Variants in CPA6 observed in about 807,000 individuals in gnomAD.
CPA6 encodes carboxypeptidase B.
Under a neutral mutation model 63.3 loss-of-function variants are expected in CPA6, and 58 were observed. That is an observed-to-expected ratio of 0.92 (90% CI 0.74 to 1.14). The LOEUF is 1.14. Among genes scored for constraint, CPA6 ranks in the 50% most tolerant of loss-of-function variants. The probability of loss-of-function intolerance (pLI) is 0.00; values close to 1 mark genes in which losing one functional copy is unlikely to be tolerated. For missense variants in CPA6, 565 were observed against 526.6 expected (o/e 1.07, Z -0.71); for synonymous variants, 185 against 179.0 (o/e 1.03, Z -0.27).
chr8:67,732,548 A>G (rs1046802031), intron 1 of CPA6: 1 of 152,236 alleles, frequency 6.6e-6, no homozygotes, highest in African/African-American at 2.4e-5. Context: ...ACATCCACAT[A>G]CAACTGTAAT....
At chr8:67,515,369 A>T (rs1346926487) in intron 3 of CPA6, among the ~76,000 whole-genome samples, 2 of 152,120 alleles carry the variant, frequency 1.3e-5, no homozygotes, top group African/African-American at 4.8e-5. Flanking sequence ...CTTCCTTTGT[A>T]AATGAACTTC....
chr8:67,621,298 T>C (rs1051680967), intron 2 of CPA6, among the ~76,000 whole-genome samples: 9 of 152,186 alleles, frequency 5.9e-5, no homozygotes, highest in Admixed American at 1.3e-4. Flanking sequence ...TAGGACTATA[T>C]GCTGAGTTTG....
At chr8:67,494,299 A>G (rs896004438) in intron 6 of CPA6, among the ~76,000 whole-genome samples, 4 of 152,150 alleles carry the variant, frequency 2.6e-5, no homozygotes, top group African/African-American at 7.2e-5. Flanking sequence ...GCTATCAGTC[A>G]TTCCTTTACG....
intron 1 of CPA6, among the ~76,000 whole-genome samples, chr8:67,639,196 A>G (rs540828435): frequency 2.8e-4 from 42 of 151,678 alleles, no homozygotes; most frequent in African/African-American, 9.8e-4. Context: ...TGCTGGCCAT[A>G]CAGTCTCTAT....
At chr8:67,713,099 G>GTGTGTGTGTGTGTATATATA (rs1328463977) in intron 1 of CPA6, among the ~76,000 whole-genome samples, 7 of 55,032 alleles carry the variant, frequency 1.3e-4, no homozygotes, top group African/African-American at 3.7e-4. Context: ...GTGTGTGTGT[G>GTGTGTGTGTGTGTATATATA]TATATATATA....
At chr8:67,519,925 T>A (rs1054194148) in intron 2 of CPA6, among the ~76,000 whole-genome samples, 8 of 152,118 alleles carry the variant, frequency 5.3e-5, no homozygotes, top group African/African-American at 1.2e-4. Flanking sequence ...TTTTCTATTT[T>A]TTTATTTATT....
At chr8:67,511,763 T>A (rs1812048316) in intron 3 of CPA6, 108 bp from the exon 4 acceptor site, 1 of 676,036 alleles carries the variant, frequency 1.5e-6, no homozygotes, top group Non-Finnish European at 2.7e-6. Context: ...ACTGTGGTGA[T>A]CAATATTCCT....
chr8:67,620,892 T>C (rs1054600494), intron 2 of CPA6, among the ~76,000 whole-genome samples: 1 of 152,192 alleles, frequency 6.6e-6, no homozygotes, highest in Non-Finnish European at 1.5e-5. Flanking sequence ...TTGGCTGGCA[T>C]TTGGAAAGTT....
intron 8 of CPA6, among the ~76,000 whole-genome samples, chr8:67,475,233 C>T (rs1052133681): frequency 3.2e-4 from 48 of 152,208 alleles, no homozygotes; most frequent in Non-Finnish European, 1.0e-4. Flanking sequence ...TGGTAAGTTC[C>T]GGAGAATCAA....
At chr8:67,630,970 G>C (rs1815313618) in intron 1 of CPA6, among the ~76,000 whole-genome samples, 1 of 152,228 alleles carries the variant, frequency 6.6e-6, no homozygotes, top group African/African-American at 2.4e-5. Flanking sequence ...GAGGGGCAGG[G>C]CTTGGGACCT....
chr8:67,541,390 A>G (rs1812699952), intron 2 of CPA6, among the ~76,000 whole-genome samples: 1 of 152,114 alleles, frequency 6.6e-6, no homozygotes. Context: ...CAGCACTACA[A>G]CCTGGGCCTG....
intron 8 of CPA6, among the ~76,000 whole-genome samples, chr8:67,460,968 T>G (rs991938274): frequency 6.6e-6 from 1 of 152,100 alleles, no homozygotes; most frequent in Non-Finnish European, 1.5e-5. Context: ...TCTGCTTTGC[T>G]CTTCCCCACC....
At chr8:67,577,888 T>C (rs1261020483) in intron 2 of CPA6, among the ~76,000 whole-genome samples, 1 of 152,160 alleles carries the variant, frequency 6.6e-6, no homozygotes, top group Admixed American at 6.5e-5. Flanking sequence ...TATGTTGCAG[T>C]CTACGAATTG....
At chr8:67,495,084 A>G (rs1811681585) in intron 6 of CPA6, among the ~76,000 whole-genome samples, 1 of 152,174 alleles carries the variant, frequency 6.6e-6, no homozygotes, top group Non-Finnish European at 1.5e-5. Flanking sequence ...GCATAGTAGT[A>G]AACACTTGAT....
chr8:67,632,543 C>G (rs905493258), intron 1 of CPA6, among the ~76,000 whole-genome samples: 1 of 152,106 alleles, frequency 6.6e-6, no homozygotes, highest in Non-Finnish European at 1.5e-5. Flanking sequence ...AATTCCTGGA[C>G]TCAAGTAATC....
intron 2 of CPA6, among the ~76,000 whole-genome samples, chr8:67,589,113 TAA>T (rs146171487): frequency 1.2e-4 from 17 of 140,788 alleles, no homozygotes; most frequent in African/African-American, 2.3e-4. Flanking sequence ...GCAAGACTCT[TAA>T]AAAAAAAAAA....
intron 2 of CPA6, among the ~76,000 whole-genome samples, chr8:67,611,548 C>T (rs910327070): frequency 6.6e-6 from 1 of 152,130 alleles, no homozygotes; most frequent in Non-Finnish European, 1.5e-5. Flanking sequence ...TAGATTGCCT[C>T]TCAATTCCAG....
intron 1 of CPA6, among the ~76,000 whole-genome samples, chr8:67,678,185 G>A (rs1233418000): frequency 2.7e-5 from 4 of 149,790 alleles, no homozygotes; most frequent in South Asian, 2.1e-4. Flanking sequence ...CAGAGATCAC[G>A]CCATTGCATT....
chr8:67,696,789 A>G (rs1036920601), intron 1 of CPA6, among the ~76,000 whole-genome samples: 2 of 152,218 alleles, frequency 1.3e-5, no homozygotes, highest in Non-Finnish European at 2.9e-5. Context: ...TATCCTGGAA[A>G]AGGTAAACCT....
Sources: allele counts gnomAD v4.1 joint callset (sites outside exome capture counted in the v4.1 genomes callset), GRCh38; gene constraint gnomAD v4.1.1; transcripts MANE v1.5; gene names NCBI Gene and HGNC (gene_info 2026-07-23, HGNC 2026-07-21).